CYP19A1: variants seen among roughly 807,000 people sequenced by gnomAD.
CYP19A1 encodes aromatase.
Under a neutral mutation model 44.4 loss-of-function variants are expected in CYP19A1, and 32 were observed. The ratio of observed to expected loss-of-function variants is 0.72; its 90% CI spans 0.54 to 0.97. CYP19A1 has a LOEUF of 0.97. Among genes scored for constraint, CYP19A1 ranks in the 50% least tolerant of loss-of-function variants. CYP19A1 has a pLI of 0.00. For missense variants in CYP19A1, 598 were observed against 637.8 expected (o/e 0.94, Z 0.67); for synonymous variants, 212 against 215.6 (o/e 0.98, Z 0.14).
At chr15:51,235,328 T>C (rs1240366320) in intron 3 of CYP19A1, among the ~76,000 whole-genome samples, 3 of 152,234 alleles carry the variant, frequency 2.0e-5, no homozygotes, top group African/African-American at 4.8e-5. Flanking sequence ...TCGCGGGTCC[T>C]ACCCCAGACT....
intron 1 of CYP19A1, among the ~76,000 whole-genome samples, chr15:51,253,551 C>A (rs1207820280): frequency 6.6e-6 from 1 of 152,134 alleles, no homozygotes; most frequent in Non-Finnish European, 1.5e-5. Context: ...CCTCCAGTGC[C>A]CCTTCCCACC....
At position 51,243,146 on chromosome 15, in the gene CYP19A1, A is replaced by G. The variant is rs530048834; in HGVS notation, c.-38-196T>C. On this transcript the variant is annotated intron_variant, in intron 1 of 9. Coordinates refer to ENST00000396402, the MANE Select transcript of CYP19A1 (RefSeq NM_000103.4). ...AGAAAGATCTTTTGGCTTGAATTGCAGCATTTCTGACCTTGGTAGAGTCTC... is the reference window on the plus strand; with the variant it reads ...AGAAAGATCTTTTGGCTTGAATTGCGGCATTTCTGACCTTGGTAGAGTCTC... The G allele has an allele frequency of 1.4e-4, 71 of 520,706 alleles. 2 individuals are homozygous for G. The highest frequency in any genetic ancestry group is 1.3e-3 in the South Asian group (67 of 50,160). 32.3% of individuals were successfully genotyped at this position (520,706 alleles called of 1,614,324 possible). A position where few individuals can be genotyped will look rare whatever the true frequency, so the allele number is the denominator to read the frequency against.
intron 1 of CYP19A1, among the ~76,000 whole-genome samples, chr15:51,336,449 G>T (rs1186673992): frequency 6.6e-6 from 1 of 152,194 alleles, no homozygotes; most frequent in Non-Finnish European, 1.5e-5. Context: ...ACCATAAGAG[G>T]CTGAGTGGAA....
chr15:51,332,694 A>G (rs948553919), intron 1 of CYP19A1, among the ~76,000 whole-genome samples: 7 of 152,000 alleles, frequency 4.6e-5, no homozygotes, highest in Admixed American at 2.0e-4. Flanking sequence ...ATTCTCAACT[A>G]TGTTTCCTTG....
rs28757088 is a variant in CYP19A1 at position 51,322,734 on chromosome 15, A to ACAC, written c.-39+15758_-39+15760dup. 9.0e-3 allele frequency among the ~76,000 whole-genome samples: 1,365 copies of ACAC among 152,256 alleles called. 25 individuals are homozygous for ACAC. The highest frequency in any genetic ancestry group is 0.032 in the African/African-American group (1,314 of 41,544). On this transcript the variant is annotated intron_variant, in intron 1 of 9. Coordinates refer to ENST00000396402, the MANE Select transcript of CYP19A1 (RefSeq NM_000103.4). ...ATTTAACTGTAACAATCTTGAGGGAACACTAACTCACTGGGTGGCATTGGG... is the reference window on the plus strand; with the variant it reads ...ATTTAACTGTAACAATCTTGAGGGAACACCACTAACTCACTGGGTGGCATTGGG...
intron 1 of CYP19A1, among the ~76,000 whole-genome samples, chr15:51,283,523 A>C (rs755903311): frequency 5.9e-5 from 9 of 152,234 alleles, no homozygotes; most frequent in Non-Finnish European, 1.3e-4. Context: ...ATTGGAGGTA[A>C]CTTACATAAG....
intron 1 of CYP19A1, among the ~76,000 whole-genome samples, chr15:51,304,703 A>G (rs1334415653): frequency 6.6e-6 from 1 of 152,184 alleles, no homozygotes; most frequent in Non-Finnish European, 1.5e-5. Context: ...CTCCTAAGTC[A>G]TGAAATTCCC....
intron 1 of CYP19A1, among the ~76,000 whole-genome samples, chr15:51,287,048 A>G (rs2035720076): frequency 6.6e-6 from 1 of 152,198 alleles, no homozygotes; most frequent in South Asian, 2.1e-4. Flanking sequence ...GGTTGGCAAG[A>G]GTGGAGCCGC....
chr15:51,327,772 A>G (rs2036635181), intron 1 of CYP19A1, among the ~76,000 whole-genome samples: 1 of 152,180 alleles, frequency 6.6e-6, no homozygotes, highest in African/African-American at 2.4e-5. Flanking sequence ...CAAACAAATG[A>G]AAACAAACCA....
At chr15:51,324,664 A>G (rs926283796) in intron 1 of CYP19A1, among the ~76,000 whole-genome samples, 2 of 152,288 alleles carry the variant, frequency 1.3e-5, no homozygotes, top group African/African-American at 2.4e-5. Context: ...CGAAATGTCT[A>G]CTTAAATCCA....
Position 51,236,852 on chromosome 15 carries a change from G to T in CYP19A1, c.296+7C>A. The T allele has an allele frequency of 6.2e-7, 1 of 1,614,050 alleles. No individual in the cohort carries two copies. The highest frequency in any genetic ancestry group is 1.1e-5 in the South Asian group (1 of 91,064). Reference sequence around the variant, plus strand: ...AAAAGTATGTCTTCGATTATGAACAGACTCACTTGCTGATAATGAGTGTTT... The same window carrying T: ...AAAAGTATGTCTTCGATTATGAACATACTCACTTGCTGATAATGAGTGTTT... On this transcript the variant is annotated splice_region_variant and intron_variant, in intron 3 of 9. Transcript: ENST00000396402.
chr15:51,213,360 G>A (rs1010774070), intron 8 of CYP19A1, among the ~76,000 whole-genome samples: 3 of 152,202 alleles, frequency 2.0e-5, no homozygotes, highest in Non-Finnish European at 4.4e-5. Context: ...TAAAGCTTCA[G>A]AGATGCCACT....
chr15:51,283,738 T>C (rs1201112958), intron 1 of CYP19A1, among the ~76,000 whole-genome samples: 1 of 152,120 alleles, frequency 6.6e-6, no homozygotes, highest in Non-Finnish European at 1.5e-5. Flanking sequence ...ACTGGGCAAA[T>C]CAGTGTCGTT....
intron 9 of CYP19A1, chr15:51,211,769 T>A: frequency 2.6e-6 from 1 of 390,356 alleles, no homozygotes; most frequent in South Asian, 1.9e-5. Context: ...ATAATGAAGG[T>A]GGAATCTGTA....
chr15:51,217,447 C>G (rs962220601), intron 6 of CYP19A1, among the ~76,000 whole-genome samples: 16 of 152,188 alleles, frequency 1.1e-4, no homozygotes, highest in Non-Finnish European at 1.6e-4. Flanking sequence ...ACAATAAGCT[C>G]TGGTGGAAAT....
intron 1 of CYP19A1, among the ~76,000 whole-genome samples, chr15:51,332,367 A>G (rs774219836): frequency 2.7e-4 from 41 of 152,218 alleles, no homozygotes; most frequent in Middle Eastern, 3.4e-3. Context: ...TCACACACCA[A>G]TGTGAGACCT....
At chr15:51,223,774 T>A (rs1181515077) in intron 4 of CYP19A1, among the ~76,000 whole-genome samples, 6 of 152,110 alleles carry the variant, frequency 3.9e-5, no homozygotes, top group Non-Finnish European at 8.8e-5. Flanking sequence ...TTTCTGACCA[T>A]AGGAAGGACT....
At chr15:51,302,250 C>T (rs2036129916) in intron 1 of CYP19A1, among the ~76,000 whole-genome samples, 1 of 152,176 alleles carries the variant, frequency 6.6e-6, no homozygotes, top group Non-Finnish European at 1.5e-5. Context: ...TTGAGCAGTC[C>T]TGGGCATATT....
chr15:51,272,969 T>A (rs1262348663), intron 1 of CYP19A1, among the ~76,000 whole-genome samples: 1 of 152,158 alleles, frequency 6.6e-6, no homozygotes, highest in Non-Finnish European at 1.5e-5. Context: ...TTCCTCACTT[T>A]TTTTTTTGAG....
Sources: gnomAD v4.1 joint callset for allele counts (sites outside exome capture counted in the v4.1 genomes callset) on GRCh38, gnomAD v4.1.1 for gene constraint, MANE v1.5 for transcripts, NCBI Gene and HGNC (gene_info 2026-07-23, HGNC 2026-07-21) for gene names.